ADCY9: variants seen among roughly 807,000 people sequenced by gnomAD.
ADCY9 encodes adenylate cyclase type 9.
Under a neutral mutation model 101.5 loss-of-function variants are expected in ADCY9, and 50 were observed. The ratio of observed to expected loss-of-function variants is 0.49; its 90% CI spans 0.39 to 0.62. The LOEUF (loss-of-function observed/expected upper bound fraction) is 0.62, where lower values mean the gene tolerates loss of function less well. Among genes scored for constraint, ADCY9 ranks in the 20% least tolerant of loss-of-function variants. The pLI is 0.00. For missense variants in ADCY9, 1,662 were observed against 1,800.4 expected (o/e 0.92, Z 1.39); for synonymous variants, 905 against 769.3 (o/e 1.18, Z -2.92).
chr16:4,065,421 C>T lies in ADCY9; in HGVS notation c.1693+48329G>A, dbSNP rs546434527. 5.1e-4 allele frequency among the ~76,000 whole-genome samples: 78 copies of T among 152,332 alleles called. No individual in the cohort carries two copies. In the Middle Eastern group the frequency reaches 0.01, roughly 20 times the overall value. On this transcript the variant is annotated intron_variant, in intron 2 of 10. Coordinates refer to ENST00000294016, the MANE Select transcript of ADCY9 (RefSeq NM_001116.4). ...ATTTTCCCTAATGGAATAATACTTA[C>T]TACTTGGAAAGCATCATTCATCTCC...
intron 2 of ADCY9, among the ~76,000 whole-genome samples, chr16:4,079,968 G>C (rs1375806160): frequency 6.6e-6 from 1 of 152,006 alleles, no homozygotes; most frequent in East Asian, 1.9e-4. Context: ...TTTGCCATCT[G>C]CCAAAACAGA....
At chr16:4,096,252 T>C (rs1029015097) in intron 2 of ADCY9, among the ~76,000 whole-genome samples, 1 of 152,158 alleles carries the variant, frequency 6.6e-6, no homozygotes, top group African/African-American at 2.4e-5. Context: ...AAAACACTTT[T>C]CAAATTAAGA....
intron 5 of ADCY9, among the ~76,000 whole-genome samples, chr16:3,957,052 T>G (rs2055910500): frequency 6.6e-6 from 1 of 152,186 alleles, no homozygotes; most frequent in South Asian, 2.1e-4. Context: ...CGTGGTCACT[T>G]TCTGAACTAC....
intron 3 of ADCY9, among the ~76,000 whole-genome samples, chr16:4,004,776 C>T (rs1044432486): frequency 2.0e-5 from 3 of 152,086 alleles, no homozygotes; most frequent in Non-Finnish European, 1.5e-5. Flanking sequence ...AATTTGGAGA[C>T]GAGGGAACAG....
chr16:4,027,756 A>G (rs559446052), intron 2 of ADCY9, among the ~76,000 whole-genome samples: 3 of 152,232 alleles, frequency 2.0e-5, no homozygotes, highest in Non-Finnish European at 4.4e-5. Context: ...CCATGCCTGT[A>G]ATCCCAGCTA....
chr16:4,112,368 A>G (rs1405648830), intron 2 of ADCY9, among the ~76,000 whole-genome samples: 1 of 152,250 alleles, frequency 6.6e-6, no homozygotes, highest in South Asian at 2.1e-4. Flanking sequence ...CTTCAACAGC[A>G]AAGTTAGTAA....
chr16:4,098,848 T>A (rs1228098615), intron 2 of ADCY9, among the ~76,000 whole-genome samples: 1 of 152,186 alleles, frequency 6.6e-6, no homozygotes, highest in Non-Finnish European at 1.5e-5. Context: ...GGATGGAGTT[T>A]GCTGCAGGAC....
At chr16:3,997,030 T>C (rs546145960) in intron 3 of ADCY9, among the ~76,000 whole-genome samples, 14 of 151,948 alleles carry the variant, frequency 9.2e-5, no homozygotes, top group African/African-American at 3.4e-4. Context: ...ACGCCTGGCT[T>C]ATTTTTGTAT....
chr16:3,956,156 C>G (rs1257580451), intron 5 of ADCY9, among the ~76,000 whole-genome samples: 1 of 151,714 alleles, frequency 6.6e-6, no homozygotes, highest in Non-Finnish European at 1.5e-5. Flanking sequence ...CGTCTCAACC[C>G]CACAAAGTGC....
At chr16:3,983,113 GAAA>G (rs1213743183) in intron 7 of ADCY9, 116 bp downstream of exon 7, 7 of 991,174 alleles carry the variant, frequency 7.1e-6, no homozygotes, top group Non-Finnish European at 1.0e-5. Context: ...CCCATCTCCA[GAAA>G]TCAGCCAGCA....
At chr16:4,107,653 C>A (rs900416485) in intron 2 of ADCY9, among the ~76,000 whole-genome samples, 5 of 149,702 alleles carry the variant, frequency 3.3e-5, no homozygotes, top group Non-Finnish European at 7.4e-5. Context: ...ATCCCAGTGG[C>A]AAGGGTTGCA....
intron 2 of ADCY9, among the ~76,000 whole-genome samples, chr16:4,064,920 C>T (rs1377402499): frequency 6.6e-6 from 1 of 152,234 alleles, no homozygotes; most frequent in African/African-American, 2.4e-5. Flanking sequence ...CTGATCCTTG[C>T]CCAGTCCACT....
intron 5 of ADCY9, among the ~76,000 whole-genome samples, chr16:3,957,567 G>A (rs1459439013): frequency 6.6e-6 from 1 of 152,174 alleles, no homozygotes; most frequent in East Asian, 1.9e-4. Context: ...GAAGGCAGGT[G>A]TGTCCTTGGA....
At chr16:4,081,946 T>A (rs1173455034) in intron 2 of ADCY9, among the ~76,000 whole-genome samples, 2 of 151,738 alleles carry the variant, frequency 1.3e-5, no homozygotes, top group African/African-American at 4.8e-5. Flanking sequence ...GGTGGTGATG[T>A]GGGTTCCAAG....
intron 2 of ADCY9, among the ~76,000 whole-genome samples, chr16:4,013,992 T>C (rs887237041): frequency 4.6e-5 from 7 of 152,152 alleles, no homozygotes; most frequent in African/African-American, 1.7e-4. Flanking sequence ...CTACTACAAA[T>C]GGCTGCTGGT....
chr16:3,994,343 A>T (rs1192611618), intron 3 of ADCY9, among the ~76,000 whole-genome samples: 1 of 152,218 alleles, frequency 6.6e-6, no homozygotes, highest in Middle Eastern at 3.2e-3. Flanking sequence ...GTGGTATTTC[A>T]ACAGGGTTTC....
rs1198807821 is a variant in ADCY9 at position 3,965,342 on chromosome 16, TAAACTC to T, written c.*427_*432del. 5.1e-6 allele frequency: 1 copy of T among 196,666 alleles called. No homozygotes were observed. Among genetic ancestry groups the T allele is most frequent in the Non-Finnish European group, 1.0e-5 (1 of 95,576 alleles). The allele number at this position is 196,666 out of a possible 1,614,324, so 12.2% of individuals were successfully genotyped here. ...CACTGTGACATAGACAGAAACAAAA[TAAACTC>T]AAAAACAGGGTATTAGCCAGAGAAC... On this transcript the variant is annotated 3_prime_UTR_variant, in exon 11 of 11. Coordinates refer to ENST00000294016, the MANE Select transcript of ADCY9 (RefSeq NM_001116.4).
intron 6 of ADCY9, among the ~76,000 whole-genome samples, chr16:3,987,563 T>G (rs1211130503): frequency 6.6e-6 from 1 of 152,202 alleles, no homozygotes; most frequent in Non-Finnish European, 1.5e-5. Context: ...ATATTTTGCC[T>G]TACGGGCCAC....
Position 4,114,714 on chromosome 16 carries a change from G to C in ADCY9, c.729C>G (p.Tyr243Ter). The change falls in exon 2 of 11, where the codon TAC (tyrosine) becomes TAG (stop). Residue 243 changes from tyrosine to a stop codon, truncating the protein, a stop_gained. Coordinates refer to ENST00000294016, the MANE Select transcript of ADCY9 (RefSeq NM_001116.4). LOFTEE classifies it high-confidence loss of function. This position sits in a 1 kb window ranked among gnomAD's most constrained non-coding sequence, Gnocchi z 4.3. ...LLYTVMHLPL[Y>*]LSLCLGVAYS... Reference sequence around the variant, plus strand: ...AGGCCACCCCCAGACACAAACTCAGGTACAAAGGTAAGTGCATGACGGTAT... The same window carrying C: ...AGGCCACCCCCAGACACAAACTCAGCTACAAAGGTAAGTGCATGACGGTAT... The C allele has an allele frequency of 1.2e-6, 2 of 1,613,158 alleles. No individual in the cohort carries two copies. Among genetic ancestry groups the C allele is most frequent in the Non-Finnish European group, 1.7e-6 (2 of 1,180,038 alleles).
Sources: gnomAD v4.1 joint callset for allele counts (sites outside exome capture counted in the v4.1 genomes callset) on GRCh38, gnomAD v4.1.1 for gene constraint, Gnocchi (gnomAD v3.1) non-coding constraint, MANE v1.5 for transcripts, NCBI Gene and HGNC (gene_info 2026-07-23, HGNC 2026-07-21) for gene names.